Variants in THRB observed in about 807,000 individuals in gnomAD.
THRB encodes the protein nuclear receptor subfamily 1 group A member 2.
In THRB, 12 loss-of-function variants were observed where a neutral mutation model predicts 47.8. That is an observed-to-expected ratio of 0.25 (90% CI 0.16 to 0.41). THRB has a LOEUF of 0.41. THRB is among the 10% of genes least tolerant of loss of function. The probability of loss-of-function intolerance (pLI) is 1.00; values close to 1 mark genes in which losing one functional copy is unlikely to be tolerated. For synonymous variants in THRB, 218 were observed against 212.2 expected (o/e 1.03, Z -0.24); for missense variants, 348 against 589.2 (o/e 0.59, Z 4.24).
intron 1 of THRB, among the ~76,000 whole-genome samples, chr3:24,385,760 G>A (rs1229094348): frequency 1.3e-5 from 2 of 152,112 alleles, no homozygotes; most frequent in African/African-American, 4.8e-5. Flanking sequence ...TGGGAAGGCA[G>A]GTCTGTGTTC....
chr3:24,317,924 G>C (rs768940649), intron 2 of THRB, among the ~76,000 whole-genome samples: 1 of 152,092 alleles, frequency 6.6e-6, no homozygotes, highest in Non-Finnish European at 1.5e-5. Flanking sequence ...CAGGTATGGT[G>C]GTGTGTGACT....
chr3:24,157,627 C>T (rs1335788114), intron 5 of THRB, among the ~76,000 whole-genome samples: 5 of 152,022 alleles, frequency 3.3e-5, no homozygotes, highest in African/African-American at 9.7e-5. Context: ...ACTCCTGGGC[C>T]CAAGCAGTCC....
At chr3:24,152,836 C>T (rs561623277) in intron 5 of THRB, among the ~76,000 whole-genome samples, 1 of 152,028 alleles carries the variant, frequency 6.6e-6, no homozygotes, top group South Asian at 2.1e-4. Context: ...GTGACAGGCA[C>T]CTGTAATCCC....
At chr3:24,246,009 C>A (rs1262888453) in intron 3 of THRB, among the ~76,000 whole-genome samples, 1 of 152,152 alleles carries the variant, frequency 6.6e-6, no homozygotes, top group African/African-American at 2.4e-5. Flanking sequence ...TCATTCTGAC[C>A]ATGCAATCTG....
intron 1 of THRB, among the ~76,000 whole-genome samples, chr3:24,442,334 G>A (rs531386127): frequency 1.3e-5 from 2 of 152,322 alleles, no homozygotes; most frequent in African/African-American, 4.8e-5. Context: ...GAAAATTCAA[G>A]TAACTTGTTG....
At chr3:24,177,837 C>G (rs1446386722) in intron 5 of THRB, among the ~76,000 whole-genome samples, 1 of 152,158 alleles carries the variant, frequency 6.6e-6, no homozygotes, top group Non-Finnish European at 1.5e-5. Flanking sequence ...TCAAGACATA[C>G]TCTGATCTTA....
intron 5 of THRB, among the ~76,000 whole-genome samples, chr3:24,182,935 T>A (rs2042092344): frequency 6.6e-6 from 1 of 152,222 alleles, no homozygotes; most frequent in Non-Finnish European, 1.5e-5. Context: ...TCTTACCCTT[T>A]AAAGTCATAG....
chr3:24,257,855 CT>C (rs1160669259), intron 3 of THRB, among the ~76,000 whole-genome samples: 1 of 152,214 alleles, frequency 6.6e-6, no homozygotes, highest in Non-Finnish European at 1.5e-5. Flanking sequence ...CTAGCAGAGG[CT>C]AATATTCCAC....
At chr3:24,237,075 G>A (rs952096068) in intron 3 of THRB, among the ~76,000 whole-genome samples, 1 of 152,194 alleles carries the variant, frequency 6.6e-6, no homozygotes, top group African/African-American at 2.4e-5. Context: ...GACTGGGCAT[G>A]AGCCTAAAGA....
At chr3:24,143,385 T>TC (rs1273588441) in intron 8 of THRB, 116 bp downstream of exon 8, 1 of 1,049,336 alleles carries the variant, frequency 9.5e-7, no homozygotes, top group East Asian at 2.4e-5. Context: ...AGCTACGGTT[T>TC]CCCTATCAGT....
Position 24,127,774 on chromosome 3 carries a change from C to A in THRB, c.886-17G>T. 1 of 1,614,176 alleles carries A rather than the reference C, an allele frequency of 6.2e-7. No individual in the cohort carries two copies. The highest frequency in any genetic ancestry group is 8.5e-7 in the Non-Finnish European group (1 of 1,180,028). On this transcript the variant is annotated splice_polypyrimidine_tract_variant and intron_variant, in intron 9 of 10. Coordinates refer to ENST00000646209, the MANE Select transcript of THRB (RefSeq NM_001354712.2). ...ACATGGCAGCTGAAAAGAACCAGTT[C>A]ATGTCAGCAAAGAACAAATGCAAAA...
chr3:24,238,278 TGGGGG>T (rs67450132), intron 3 of THRB, among the ~76,000 whole-genome samples: 1 of 30,010 alleles, frequency 3.3e-5, no homozygotes. Flanking sequence ...TGTGTGTGTG[TGGGGG>T]GGGGGGGGGT....
chr3:24,261,717 T>C (rs2052058349), intron 3 of THRB, among the ~76,000 whole-genome samples: 1 of 152,148 alleles, frequency 6.6e-6, no homozygotes, highest in African/African-American at 2.4e-5. Flanking sequence ...ATGAGGCTCA[T>C]ATTGCCAAAT....
chr3:24,129,876 C>T (rs2033549215), intron 9 of THRB, among the ~76,000 whole-genome samples: 1 of 152,134 alleles, frequency 6.6e-6, no homozygotes, highest in Admixed American at 6.5e-5. Context: ...TTGTGAAGCC[C>T]CTGGTGTCAT....
chr3:24,474,498 C>T lies in THRB; in HGVS notation c.-261+20154G>A, dbSNP rs190529448. ...CCAAACACATCAGCCCTAACAGTCA[C>T]CAAAATCTACTGGAGTTGGCATAAA... On this transcript the variant is annotated intron_variant, in intron 1 of 10. Coordinates refer to ENST00000646209, the MANE Select transcript of THRB (RefSeq NM_001354712.2). Among the ~76,000 whole-genome samples the T allele has an allele frequency of 7.9e-5, 12 of 152,292 alleles. No homozygotes were observed. In the East Asian group the frequency reaches 1.9e-3, roughly 25 times the overall value.
At chr3:24,394,508 C>A (rs1197037791) in intron 1 of THRB, among the ~76,000 whole-genome samples, 1 of 152,088 alleles carries the variant, frequency 6.6e-6, no homozygotes, top group Non-Finnish European at 1.5e-5. Flanking sequence ...GGGTATGGAT[C>A]ATACATCTCT....
At chr3:24,241,185 T>C (rs1410080737) in intron 3 of THRB, among the ~76,000 whole-genome samples, 2 of 152,224 alleles carry the variant, frequency 1.3e-5, no homozygotes, top group African/African-American at 4.8e-5. Context: ...CTTTGCACTC[T>C]GCTTACTTGT....
At chr3:24,284,318 C>G (rs1432522119) in intron 3 of THRB, among the ~76,000 whole-genome samples, 1 of 151,590 alleles carries the variant, frequency 6.6e-6, no homozygotes, top group African/African-American at 2.4e-5. Context: ...CTGAGAAAAA[C>G]AAGCAATGGG....
At chr3:24,281,943 G>T (rs1164309806) in intron 3 of THRB, among the ~76,000 whole-genome samples, 1 of 148,410 alleles carries the variant, frequency 6.7e-6, no homozygotes, top group Admixed American at 6.7e-5. Flanking sequence ...AGCAAGTCCT[G>T]AGTGACCTAC....
Sources: allele counts gnomAD v4.1 joint callset (sites outside exome capture counted in the v4.1 genomes callset), GRCh38; gene constraint gnomAD v4.1.1; transcripts MANE v1.5; gene names NCBI Gene and HGNC (gene_info 2026-07-23, HGNC 2026-07-21).